Variants in ALX4 observed in about 807,000 individuals in gnomAD.
The protein encoded by ALX4 is homeobox protein aristaless-like 4.
Under a neutral mutation model 40.6 loss-of-function variants are expected in ALX4, and 22 were observed. The ratio of observed to expected loss-of-function variants is 0.54; its 90% CI spans 0.39 to 0.77. ALX4 has a LOEUF of 0.77. Ranked by LOEUF, ALX4 falls within the 30% of genes least tolerant of loss-of-function variation. The pLI is 0.00. For synonymous variants in ALX4, 266 were observed against 240.5 expected, an observed-to-expected ratio of 1.11 and a Z score of -0.98; for missense variants, 556 against 564.8, an observed-to-expected ratio of 0.98 and a Z score of 0.16.
At chr11:44,307,309 G>T (rs999676791) in intron 1 of ALX4, among the ~76,000 whole-genome samples, 1 of 152,246 alleles carries the variant, frequency 6.6e-6, no homozygotes, top group African/African-American at 2.4e-5. Flanking sequence ...GGTGTTTGCT[G>T]TCAGGTCACA....
chr11:44,273,127 T>TG (rs1190037038), intron 2 of ALX4, among the ~76,000 whole-genome samples: 3 of 151,070 alleles, frequency 2.0e-5, no homozygotes, highest in African/African-American at 7.3e-5. Context: ...ATTGCAGGGT[T>TG]GGGGCATCTC....
intron 1 of ALX4, among the ~76,000 whole-genome samples, chr11:44,280,988 C>T (rs955737406): frequency 3.9e-5 from 6 of 152,244 alleles, no homozygotes; most frequent in Non-Finnish European, 8.8e-5. Context: ...AGCCTTGCTT[C>T]GTTCCCTTAA....
At chr11:44,307,029 G>T (rs562920453) in intron 1 of ALX4, among the ~76,000 whole-genome samples, 2 of 152,140 alleles carry the variant, frequency 1.3e-5, no homozygotes, top group Non-Finnish European at 1.5e-5. Context: ...GCGTCCTGCC[G>T]GTAGTTACAG....
chr11:44,271,716 G>A lies in ALX4; in HGVS notation c.777+3632C>T, dbSNP rs531844114. 2.3e-3 allele frequency among the ~76,000 whole-genome samples: 357 copies of A among 152,260 alleles called. 1 individual carries two copies. The South Asian group carries it at 0.029, about 12-fold the overall frequency. ...GGTATAAGTGTGTGTGTGTGCGCGCGCATGTGTGTGTGCAGAGAACACTCT... is the reference window on the plus strand; with the variant it reads ...GGTATAAGTGTGTGTGTGTGCGCGCACATGTGTGTGTGCAGAGAACACTCT... On this transcript the variant is annotated intron_variant, in intron 2 of 3. Coordinates refer to ENST00000652299, the MANE Select transcript of ALX4 (RefSeq NM_021926.4).
At position 44,275,434 on chromosome 11, in the gene ALX4, T is replaced by C; in HGVS notation, c.691A>G (p.Lys231Glu). 1 of 1,614,190 alleles carries C rather than the reference T, an allele frequency of 6.2e-7. No individual in the cohort carries two copies. The highest frequency in any genetic ancestry group is 8.5e-7 in the Non-Finnish European group (1 of 1,180,020). Reference protein sequence around the residue: ...FTSYQLEELEKVFQKTHYPDV... With the variant: ...FTSYQLEELEEVFQKTHYPDV... Reference sequence around the variant, plus strand: ...GGGTAGTGGGTCTTCTGGAAGACCTTCTCCAGCTCCTCCAGCTGGTAGCTG... The same window carrying C: ...GGGTAGTGGGTCTTCTGGAAGACCTCCTCCAGCTCCTCCAGCTGGTAGCTG... Residue 231 changes from lysine (K) to glutamate (E), a missense_variant, in exon 2 of 4, where the codon AAG becomes GAG. Lys to Glu is a moderately conservative substitution (Grantham distance 56, BLOSUM62 1). Coordinates refer to ENST00000652299, the MANE Select transcript of ALX4 (RefSeq NM_021926.4).
rs201777848 is a variant in ALX4 at position 44,309,737 on chromosome 11, TGCTGCG to T, written c.320_325del (p.Pro107_Gln108del). On this transcript the variant is annotated inframe_deletion, in exon 1 of 4. Coordinates refer to ENST00000652299, the MANE Select transcript of ALX4 (RefSeq NM_021926.4). ...GGGCGGCTGGGGCTGCGGCTGCTGC[TGCTGCG>T]GCTGCGGCTGCGGCGGCGGCTGGGG... 4.6e-5 allele frequency: 71 copies of T among 1,555,004 alleles called. No homozygotes were observed. Among genetic ancestry groups the T allele is most frequent in the South Asian group, 7.1e-5 (6 of 85,086 alleles).
At chr11:44,282,569 C>T (rs1956315884) in intron 1 of ALX4, among the ~76,000 whole-genome samples, 1 of 152,216 alleles carries the variant, frequency 6.6e-6, no homozygotes. Flanking sequence ...GAAATGGAGA[C>T]ACCCCCAAGT....
At chr11:44,265,868 TC>T (rs1454952244) in intron 3 of ALX4, among the ~76,000 whole-genome samples, 1 of 152,190 alleles carries the variant, frequency 6.6e-6, no homozygotes, top group Non-Finnish European at 1.5e-5. Context: ...GGCCATCTTA[TC>T]TTCCATCTGT....
Position 44,265,073 on chromosome 11 carries a change from A to AG in ALX4, c.1016dup (p.Gly340TrpfsTer104). On this transcript the variant is annotated frameshift_variant, in exon 4 of 4. Coordinates refer to ENST00000652299, the MANE Select transcript of ALX4 (RefSeq NM_021926.4). LOFTEE classifies it high-confidence loss of function. The stretch of plus-strand genomic sequence containing the variant: ...CGGTGACGCTGCTGGCCCCAGAGCC[A>AG]GGGGGGTGGGCATGAGGGGACATGC... 6.2e-7 allele frequency: 1 copy of AG among 1,612,934 alleles called. No individual in the cohort carries two copies. Among genetic ancestry groups the AG allele is most frequent in the Non-Finnish European group, 8.5e-7 (1 of 1,179,910 alleles).
intron 2 of ALX4, among the ~76,000 whole-genome samples, chr11:44,275,099 C>T (rs1458066717): frequency 1.3e-5 from 2 of 152,274 alleles, no homozygotes; most frequent in East Asian, 3.9e-4. Flanking sequence ...CTGCTGGAGG[C>T]CCTCCTTCCT....
At chr11:44,300,109 CT>C (rs1956426684) in intron 1 of ALX4, among the ~76,000 whole-genome samples, 2 of 152,182 alleles carry the variant, frequency 1.3e-5, no homozygotes, top group East Asian at 3.8e-4. Context: ...ATCCCAGACT[CT>C]TAACCTTTGG....
intron 1 of ALX4, among the ~76,000 whole-genome samples, chr11:44,302,367 C>T (rs941945947): frequency 2.6e-5 from 4 of 152,214 alleles, no homozygotes; most frequent in African/African-American, 9.6e-5. Flanking sequence ...GCTGTGCACA[C>T]GCTCACACAA....
intron 1 of ALX4, among the ~76,000 whole-genome samples, chr11:44,278,240 G>T (rs974994304): frequency 6.6e-6 from 1 of 151,850 alleles, no homozygotes; most frequent in African/African-American, 2.4e-5. Flanking sequence ...GTATGGACCA[G>T]CCTGAACTCC....
At position 44,260,758 on chromosome 11, in the gene ALX4, A is replaced by G. The variant is rs1956178031; in HGVS notation, c.*4096T>C. ...TTTCTGGATTTTTACTGTATTTTTA[A>G]TATATATTTTTAATATTCCACCCCA... On this transcript the variant is annotated 3_prime_UTR_variant, in exon 4 of 4. Coordinates refer to ENST00000652299, the MANE Select transcript of ALX4 (RefSeq NM_021926.4). The G allele has an allele frequency of 6.6e-6, 1 of 151,862 alleles. No homozygotes were observed. The highest frequency in any genetic ancestry group is 1.5e-5 in the Non-Finnish European group (1 of 67,978). 9.4% of individuals were successfully genotyped at this position (151,862 alleles called of 1,614,324 possible). A position where few individuals can be genotyped will look rare whatever the true frequency, so the allele number is the denominator to read the frequency against.
chr11:44,265,211 G>A (rs773825623), intron 3 of ALX4, 28 bp from the exon 4 acceptor site: 35 of 1,570,358 alleles, frequency 2.2e-5, no homozygotes, highest in African/African-American at 4.0e-5. Context: ...AGATGTCACC[G>A]GCTGGCGGGC....
chr11:44,300,069 G>A (rs1956426462), intron 1 of ALX4, among the ~76,000 whole-genome samples: 1 of 152,174 alleles, frequency 6.6e-6, no homozygotes, highest in Non-Finnish European at 1.5e-5. Flanking sequence ...CCTGTAGATG[G>A]GAAAACTCAG....
At chr11:44,307,663 T>C (rs998974061) in intron 1 of ALX4, among the ~76,000 whole-genome samples, 1 of 152,262 alleles carries the variant, frequency 6.6e-6, no homozygotes, top group African/African-American at 2.4e-5. Context: ...GTCTGCGACC[T>C]GCCCTCACCT....
intron 2 of ALX4, among the ~76,000 whole-genome samples, chr11:44,268,156 T>A (rs1268288890): frequency 6.6e-6 from 1 of 152,112 alleles, no homozygotes; most frequent in Non-Finnish European, 1.5e-5. Flanking sequence ...AGAACTCCCC[T>A]GTGTTAAAGG....
chr11:44,299,829 A>G (rs1260168931), intron 1 of ALX4, among the ~76,000 whole-genome samples: 1 of 152,134 alleles, frequency 6.6e-6, no homozygotes, highest in Non-Finnish European at 1.5e-5. Context: ...CTCACTGTGG[A>G]CGAGTTACTT....
Sources: allele counts gnomAD v4.1 joint callset (sites outside exome capture counted in the v4.1 genomes callset), GRCh38; gene constraint gnomAD v4.1.1; transcripts MANE v1.5; gene names NCBI Gene and HGNC (gene_info 2026-07-23, HGNC 2026-07-21).